Variants in PAN2 observed in about 807,000 individuals in gnomAD.
The protein encoded by PAN2 is PAN2-PAN3 deadenylation complex catalytic subunit PAN2.
Under a neutral mutation model 133.3 loss-of-function variants are expected in PAN2, and 68 were observed. The observed-to-expected ratio is 0.51, with a 90% confidence interval of 0.42 to 0.62. The LOEUF (loss-of-function observed/expected upper bound fraction) is 0.62. Ranked by LOEUF, PAN2 falls within the 20% of genes least tolerant of loss-of-function variation. The probability of loss-of-function intolerance (pLI) is 0.00; values close to 1 mark genes in which losing one functional copy is unlikely to be tolerated. For missense variants in PAN2, 1,042 were observed against 1,500.5 expected, an observed-to-expected ratio of 0.69 and a Z score of 5.05; for synonymous variants, 462 against 544.6, an observed-to-expected ratio of 0.85 and a Z score of 2.11.
chr12:56,326,631 A>G lies in PAN2; in HGVS notation c.1248T>C (p.Ser416=), dbSNP rs1419012698. The part of the protein sequence containing the change: ...TLLSDWPAAN[S]APAPRRAPPV... Reference sequence around the variant, plus strand: ...TAGGGTACAACCTGGGAGCTGGAGCAGAGTTGGCAGCAGGCCAATCAGAGA... The same window carrying G: ...TAGGGTACAACCTGGGAGCTGGAGCGGAGTTGGCAGCAGGCCAATCAGAGA... The change falls in exon 7 of 26, where the codon TCT becomes TCC. Residue 416 remains serine, a synonymous_variant. Transcript: ENST00000440411. 2.5e-6 allele frequency: 4 copies of G among 1,612,518 alleles called. No homozygotes were observed. The African/African-American group carries it at 4.0e-5, about 16-fold the overall frequency.
chr12:56,318,883 A>C (rs74371930), intron 24 of PAN2, among the ~76,000 whole-genome samples: 2 of 152,112 alleles, frequency 1.3e-5, no homozygotes, highest in African/African-American at 4.8e-5. Context: ...CCCTAATGTC[A>C]TTCTTATGTC....
Position 56,319,662 on chromosome 12 carries a change from C to A in PAN2, c.3049G>T (p.Gly1017Cys), listed in dbSNP as rs182178642. ...TCVRGQGPNE[G>C]IPFIDDYIST... is the part of the protein sequence containing the mutation. ...ATGTAGTCATCAATGAAGGGGATAC[C>A]CTCATTGGGTCCCTGGCCCCGAACA... Residue 1017 changes from glycine to cysteine, a missense_variant, in exon 22 of 26, where the codon GGT (glycine) becomes TGT (cysteine). Gly to Cys is a radical substitution (Grantham distance 159, BLOSUM62 -3). This residue lies in a region of PAN2 where 49 missense variants were observed against 160.5 expected (regional missense o/e 0.31). Coordinates refer to ENST00000440411, the MANE Select transcript of PAN2 (RefSeq NM_014871.6). The surrounding 1 kb of genome is among the most constrained non-coding windows in gnomAD (Gnocchi z 5.4). 6.2e-7 allele frequency: 1 copy of A among 1,613,510 alleles called. No individual in the cohort carries two copies. Among genetic ancestry groups the A allele is most frequent in the South Asian group, 1.1e-5 (1 of 91,004 alleles).
At chr12:56,332,434 A>T (rs1304711351) in intron 2 of PAN2, among the ~76,000 whole-genome samples, 5 of 152,074 alleles carry the variant, frequency 3.3e-5, no homozygotes, top group East Asian at 1.9e-4. Context: ...AGACTAAAAA[A>T]TTTTTTAAAA....
At chr12:56,333,338 C>A in intron 1 of PAN2, 130 bp from the exon 2 acceptor site, 1 of 545,976 alleles carries the variant, frequency 1.8e-6, no homozygotes, top group Non-Finnish European at 3.3e-6. Context: ...AAGGATGAAG[C>A]AGGCGGGGGA....
Position 56,326,716 on chromosome 12 carries a change from CAG to C in PAN2, c.1161_1162del (p.Asp387GlufsTer18). Reference sequence around the variant, plus strand: ...GGAAAGAGGCAGCAGGTCCTGGCTCCAGTCCAGAGGAGGCAGTGAGTCCACGA... The same window carrying C: ...GGAAAGAGGCAGCAGGTCCTGGCTCCTCCAGAGGAGGCAGTGAGTCCACGA... On this transcript the variant is annotated frameshift_variant, in exon 7 of 26. Transcript: ENST00000440411. LOFTEE classifies it high-confidence loss of function. 1 of 1,613,984 alleles carries C rather than the reference CAG, an allele frequency of 6.2e-7. No individual in the cohort carries two copies. Among genetic ancestry groups the C allele is most frequent in the East Asian group, 2.2e-5 (1 of 44,868 alleles).
rs190059892 is a variant in PAN2, at chr12:56,317,739, G to C, written c.3563-96C>G. The stretch of plus-strand genomic sequence containing the variant: ...AAGGAAAAATGCAAGAGAAAAAAGG[G>C]CATGGACCTTCCCTGAACATTTTAG... On this transcript the variant is annotated intron_variant, in intron 25 of 25. Coordinates refer to ENST00000440411, the MANE Select transcript of PAN2 (RefSeq NM_014871.6). 1.2e-4 allele frequency: 118 copies of C among 990,254 alleles called. 1 individual carries two copies. The highest frequency in any genetic ancestry group is 4.8e-4 in the East Asian group (20 of 41,554). The allele number at this position is 990,254 out of a possible 1,614,324, so 61.3% of individuals were successfully genotyped here.
In PAN2 at chr12:56,319,366, A is replaced by G. The variant is rs1216353311; in HGVS notation, c.3212T>C (p.Ile1071Thr). The part of the protein sequence containing the change: ...TYLKLRFLID[I>T]GVKFVGHGLQ... ...GCCATGACCCACAAACTTGACTCCA[A>G]TGTCAATGAGAAAACGAAGCTTTAA... Residue 1071 changes from isoleucine (I) to threonine (T), a missense_variant, in exon 23 of 26, where the codon ATT becomes ACT. By Grantham distance (89) the Ile-to-Thr change is moderately conservative (BLOSUM62 -1). Around this residue, in one of 3 missense-constraint regions of PAN2, gnomAD observed 49 missense variants for 160.5 expected, o/e 0.31. Transcript: ENST00000440411. The surrounding 1 kb of genome is among the most constrained non-coding windows in gnomAD (Gnocchi z 5.4). The G allele has an allele frequency of 3.1e-6, 5 of 1,614,048 alleles. No homozygotes were observed. The highest frequency in any genetic ancestry group is 3.3e-4 in the Middle Eastern group (2 of 6,084).
rs1331670846 is a variant in PAN2 at position 56,326,775 on chromosome 12, G to A, written c.1104C>T (p.Tyr368=). ...GCAAAGCAAACTCAGTCTCACGGGA[G>A]TAGGGGTTGAAGGAAGGCTCCGGGG... ...TDSPEPSFNP[Y]SRETEFALPC... is the part of the protein sequence containing the mutation. Residue 368 remains tyrosine (Y), a synonymous_variant, in exon 7 of 26, where the codon TAC becomes TAT. Coordinates refer to ENST00000440411, the MANE Select transcript of PAN2 (RefSeq NM_014871.6). 4 of 1,614,246 alleles carry A rather than the reference G, an allele frequency of 2.5e-6. No homozygotes were observed. The highest frequency in any genetic ancestry group is 3.4e-6 in the Non-Finnish European group (4 of 1,180,050).
intron 14 of PAN2, 25 bp downstream of exon 14, chr12:56,323,782 T>C: frequency 6.5e-7 from 1 of 1,532,684 alleles, no homozygotes; most frequent in East Asian, 2.2e-5. Flanking sequence ...ACCAGGACTC[T>C]AGTCCAGTCC....
chr12:56,330,610 C>G (rs1183537458), intron 2 of PAN2, among the ~76,000 whole-genome samples: 1 of 151,796 alleles, frequency 6.6e-6, no homozygotes, highest in African/African-American at 2.4e-5. Context: ...CCGCCCGCCT[C>G]GGCCTCCCAA....
intron 18 of PAN2, 51 bp from the exon 19 acceptor site, chr12:56,322,533 A>T (rs1286766978): frequency 1.2e-6 from 2 of 1,608,754 alleles, no homozygotes; most frequent in Non-Finnish European, 1.7e-6. Context: ...TGGCTGGACC[A>T]CTCTGTCTCA....
Position 56,328,470 on chromosome 12 carries a change from A to ACAGGTAAT in PAN2, c.446_452+1dup. On this transcript the variant is annotated splice_donor_variant, in intron 3 of 25. Transcript: ENST00000440411. LOFTEE classifies it high-confidence loss of function. ...CTAGTCCAGAGCTGAGAAGCCACTT[A>ACAGGTAAT]CAGGTAATCAAATATAATGAGGCCC... The ACAGGTAAT allele has an allele frequency of 6.2e-7, 1 of 1,614,024 alleles. No homozygotes were observed. The highest frequency in any genetic ancestry group is 8.5e-7 in the Non-Finnish European group (1 of 1,179,938).
rs765409612 is a variant in PAN2 at position 56,324,095 on chromosome 12, G to A, written c.2019C>T (p.Thr673=). 8.7e-6 allele frequency: 14 copies of A among 1,613,966 alleles called. No homozygotes were observed. The South Asian group carries it at 8.8e-5, about 10-fold the overall frequency. The change falls in exon 13 of 26, where the codon ACC becomes ACT. Residue 673 remains threonine (T), a synonymous_variant. Coordinates refer to ENST00000440411, the MANE Select transcript of PAN2 (RefSeq NM_014871.6). ...AAAGCAGAGTGGATGAGGCTCGCAC[G>A]GTCTCACTGCCACAGCGGCAGAGGC... The part of the protein sequence containing the change: ...NCSLCRCGSE[T]VRASSTLLFT...
Position 56,326,971 on chromosome 12 carries a change from G to T in PAN2, c.920-12C>A. ...GAATTGGCACTGCCCTACAAAGGAG[G>T]AAGAAACCCACTGAGCCCTAGAAAG... On this transcript the variant is annotated splice_polypyrimidine_tract_variant and intron_variant, in intron 6 of 25. Coordinates refer to ENST00000440411, the MANE Select transcript of PAN2 (RefSeq NM_014871.6). 1 of 1,604,516 alleles carries T rather than the reference G, an allele frequency of 6.2e-7. No individual in the cohort carries two copies. Among genetic ancestry groups the T allele is most frequent in the Middle Eastern group, 1.7e-4 (1 of 6,020 alleles).
intron 19 of PAN2, 42 bp from the exon 20 acceptor site, chr12:56,322,210 C>T: frequency 7.7e-7 from 1 of 1,295,000 alleles, no homozygotes; most frequent in Non-Finnish European, 1.1e-6. Flanking sequence ...GTATATCACC[C>T]TTTTCCTTTT....
chr12:56,322,766 G>T lies in PAN2; in HGVS notation c.2494-8C>A, dbSNP rs1260438161. 1 of 1,610,522 alleles carries T rather than the reference G, an allele frequency of 6.2e-7. No individual in the cohort carries two copies. Among genetic ancestry groups the T allele is most frequent in the Non-Finnish European group, 8.5e-7 (1 of 1,179,098 alleles). ...TGCCCTGGCTGGGCCCCACTGTGAG[G>T]GGGGTACCCAGGCTGCTAAGCTAAG... On this transcript the variant is annotated splice_region_variant and splice_polypyrimidine_tract_variant and intron_variant, in intron 17 of 25. Coordinates refer to ENST00000440411, the MANE Select transcript of PAN2 (RefSeq NM_014871.6).
intron 25 of PAN2, 96 bp downstream of exon 25, chr12:56,318,141 C>T (rs1290134446): frequency 2.0e-6 from 2 of 1,003,832 alleles, no homozygotes; most frequent in East Asian, 2.4e-5. Flanking sequence ...CACGCTACTG[C>T]ACTTCAGCCT....
chr12:56,322,723 G>A lies in PAN2; in HGVS notation c.2529C>T (p.Val843=). ...GPARAEEEHG[V]YVYDLMATVV... ...CAGTAGCCATCAGGTCATACACATA[G>A]ACACCATGCTCCTCCTCTGCCCTGG... Residue 843 remains valine, a synonymous_variant, in exon 18 of 26, where the codon GTC becomes GTT. Coordinates refer to ENST00000440411, the MANE Select transcript of PAN2 (RefSeq NM_014871.6). 1 of 1,613,970 alleles carries A rather than the reference G, an allele frequency of 6.2e-7. No individual in the cohort carries two copies. The highest frequency in any genetic ancestry group is 8.5e-7 in the Non-Finnish European group (1 of 1,179,978).
At chr12:56,322,868 G>A in intron 17 of PAN2, 110 bp from the exon 18 acceptor site, 1 of 1,279,198 alleles carries the variant, frequency 7.8e-7, no homozygotes, top group Non-Finnish European at 1.1e-6. Context: ...GACCAGGGTG[G>A]GTTATCTCCA....
Sources: gnomAD v4.1 joint callset for allele counts (sites outside exome capture counted in the v4.1 genomes callset) on GRCh38, gnomAD v4.1.1 for gene constraint, gnomAD v4.1.1 regional missense constraint, Gnocchi (gnomAD v3.1) non-coding constraint, MANE v1.5 for transcripts, NCBI Gene and HGNC (gene_info 2026-07-23, HGNC 2026-07-21) for gene names.